The following NOL10 variants were observed in gnomAD, a reference collection of about 807,000 sequenced individuals.
The protein encoded by NOL10 is nucleolar protein 10.
Under a neutral mutation model 103.5 loss-of-function variants are expected in NOL10, and 58 were observed. The observed-to-expected ratio is 0.56, with a 90% CI of 0.45 to 0.70. NOL10 has a LOEUF of 0.70. NOL10 is among the 30% of genes least tolerant of loss of function. The pLI is 0.00. For missense variants in NOL10, 763 were observed against 807.3 expected, an observed-to-expected ratio of 0.95 and a Z score of 0.67; for synonymous variants, 287 against 282.5, an observed-to-expected ratio of 1.02 and a Z score of -0.16.
In NOL10 at chr2:10,589,037, A is replaced by G. The variant is rs768721204; in HGVS notation, c.1844+6T>C. 3 of 1,613,482 alleles carry G rather than the reference A, an allele frequency of 1.9e-6. No individual in the cohort carries two copies. Among genetic ancestry groups the G allele is most frequent in the African/African-American group, 1.3e-5 (1 of 74,998 alleles). On this transcript the variant is annotated splice_donor_region_variant and intron_variant, in intron 19 of 20. Transcript: ENST00000381685. ...GTCAACTGTGCGCTCAGGCAGTGCTACTCACTTCATCAGTTTCTGCTTTGT... is the reference window on the plus strand; with the variant it reads ...GTCAACTGTGCGCTCAGGCAGTGCTGCTCACTTCATCAGTTTCTGCTTTGT...
At chr2:10,673,614 G>T in intron 4 of NOL10, 57 bp from the exon 5 acceptor site, 1 of 1,156,550 alleles carries the variant, frequency 8.6e-7, no homozygotes, top group Non-Finnish European at 1.3e-6. Context: ...TAGTAACAAC[G>T]CAAACCTGAT....
chr2:10,587,690 A>C (rs1165399779), intron 19 of NOL10, among the ~76,000 whole-genome samples: 1 of 152,068 alleles, frequency 6.6e-6, no homozygotes. Context: ...TCAGAACCAG[A>C]ATTTTGAGGT....
chr2:10,684,669 G>A (rs1315424500), intron 1 of NOL10, 57 bp from the exon 2 acceptor site: 2 of 1,385,656 alleles, frequency 1.4e-6, no homozygotes, highest in African/African-American at 1.4e-5. Context: ...TTGTTTTTCG[G>A]CTTGCAAAAT....
chr2:10,650,622 G>A (rs1332654475), intron 12 of NOL10, among the ~76,000 whole-genome samples: 3 of 152,078 alleles, frequency 2.0e-5, no homozygotes, highest in Non-Finnish European at 2.9e-5. Flanking sequence ...GAGCCGGCGT[G>A]ATGGTGCGTA....
intron 3 of NOL10, among the ~76,000 whole-genome samples, chr2:10,676,939 CT>C (rs35181197): frequency 0.29 from 41,337 of 144,386 alleles, 5,835 homozygotes; most frequent in South Asian, 0.48. Context: ...AGGCCGGCCT[CT>C]TTTTTTTTTT....
chr2:10,586,365 T>C (rs1675022598), intron 19 of NOL10, among the ~76,000 whole-genome samples: 1 of 152,086 alleles, frequency 6.6e-6, no homozygotes, highest in East Asian at 1.9e-4. Context: ...AGCAGATGAA[T>C]TGTATGTTAC....
chr2:10,667,860 C>A (rs1420535679), intron 7 of NOL10, among the ~76,000 whole-genome samples: 1 of 151,784 alleles, frequency 6.6e-6, no homozygotes, highest in Non-Finnish European at 1.5e-5. Flanking sequence ...GCATTTCTAC[C>A]CAATGTGAAA....
intron 19 of NOL10, among the ~76,000 whole-genome samples, 174 bp downstream of exon 19, chr2:10,588,869 G>A (rs1453054142): frequency 2.0e-5 from 3 of 152,166 alleles, no homozygotes; most frequent in African/African-American, 7.2e-5. Flanking sequence ...CCTCCTGGGT[G>A]CTTCCCTCAC....
chr2:10,625,812 T>C (rs544916885), intron 13 of NOL10, among the ~76,000 whole-genome samples: 2 of 152,254 alleles, frequency 1.3e-5, no homozygotes, highest in South Asian at 4.2e-4. Flanking sequence ...TCTACTTTTA[T>C]GTCTATTTGA....
At position 10,578,034 on chromosome 2, in the gene NOL10, T is replaced by C. The variant is rs139579430; in HGVS notation, c.1845-296A>G. Among the ~76,000 whole-genome samples the C allele has an allele frequency of 5.1e-3, 770 of 152,316 alleles. 8 individuals are homozygous for C. The highest frequency in any genetic ancestry group is 0.018 in the African/African-American group (736 of 41,578). On this transcript the variant is annotated intron_variant, in intron 19 of 20. Coordinates refer to ENST00000381685, the MANE Select transcript of NOL10 (RefSeq NM_024894.4). ...ACTTTTCTTACTAAAATCAATCATA[T>C]TTCTGAAGACCAAATGCAAAGAGCA...
intron 2 of NOL10, among the ~76,000 whole-genome samples, 171 bp downstream of exon 2, chr2:10,684,396 C>T (rs543336795): frequency 6.6e-6 from 1 of 151,936 alleles, no homozygotes; most frequent in South Asian, 2.1e-4. Flanking sequence ...GTCTGGGCAA[C>T]ACAGTGAGAC....
rs17364547 is a variant in NOL10, at chr2:10,682,326, T to C, written c.113-257A>G. ...AGAATAAAAAAAGTAGCATCATTAA[T>C]TGAAAAAAAATTTTCCACAACAGTG... On this transcript the variant is annotated intron_variant, in intron 2 of 20. Coordinates refer to ENST00000381685, the MANE Select transcript of NOL10 (RefSeq NM_024894.4). 0.23 allele frequency among the ~76,000 whole-genome samples: 34,330 copies of C among 151,936 alleles called. 4,151 individuals are homozygous for C. Among genetic ancestry groups the C allele is most frequent in the South Asian group, 0.47 (2,254 of 4,806 alleles).
At position 10,572,236 on chromosome 2, in the gene NOL10, A is replaced by G. The variant is rs765391374; in HGVS notation, c.1948-46T>C. The G allele has an allele frequency of 9.3e-6, 15 of 1,605,200 alleles. No individual in the cohort carries two copies. In the East Asian group the frequency reaches 1.3e-4, roughly 14 times the overall value. The stretch of plus-strand genomic sequence containing the variant: ...AGTAGAGGGAAAGAGAGAAAATTCT[A>G]TACCTCTTTTCTGGTAACCGTCAGG... On this transcript the variant is annotated intron_variant, in intron 20 of 20. Coordinates refer to ENST00000381685, the MANE Select transcript of NOL10 (RefSeq NM_024894.4).
At chr2:10,685,209 G>C (rs1429373263) in intron 1 of NOL10, among the ~76,000 whole-genome samples, 1 of 152,166 alleles carries the variant, frequency 6.6e-6, no homozygotes, top group Non-Finnish European at 1.5e-5. Context: ...AATAAAACCA[G>C]ATAAATAACT....
At chr2:10,688,716 T>C (rs950186556) in intron 1 of NOL10, among the ~76,000 whole-genome samples, 3 of 152,244 alleles carry the variant, frequency 2.0e-5, no homozygotes, top group African/African-American at 7.2e-5. Context: ...GGGAACCTTA[T>C]CTGAAATGTC....
At chr2:10,612,163 G>C (rs114617292) in intron 13 of NOL10, among the ~76,000 whole-genome samples, 5,332 of 152,028 alleles carry the variant, frequency 0.035, 184 homozygotes, top group African/African-American at 0.086. Flanking sequence ...TACTCTTAGG[G>C]AGCTGAAAGA....
rs62128621 is a variant in NOL10 at position 10,570,852 on chromosome 2, A to C, written c.*1219T>G. ...ACTTAAGAAACAGGAAAAAAAAAAA[A>C]CCTGTAATTAAACTTGTGCCAAGAT... On this transcript the variant is annotated 3_prime_UTR_variant, in exon 21 of 21. Transcript: ENST00000381685. 8.6e-5 allele frequency: 13 copies of C among 150,874 alleles called. No individual in the cohort carries two copies. The East Asian group carries it at 9.8e-4, about 11-fold the overall frequency. 9.3% of individuals were successfully genotyped at this position (150,874 alleles called of 1,614,324 possible).
chr2:10,668,940 A>G (rs1351475647), intron 6 of NOL10, among the ~76,000 whole-genome samples: 1 of 152,196 alleles, frequency 6.6e-6, no homozygotes, highest in Non-Finnish European at 1.5e-5. Flanking sequence ...ATATGAAGTC[A>G]TTACGTAGAA....
intron 12 of NOL10, among the ~76,000 whole-genome samples, chr2:10,645,709 T>A (rs189070027): frequency 6.2e-4 from 94 of 152,042 alleles, no homozygotes; most frequent in African/African-American, 2.2e-3. Flanking sequence ...TTTTTGTATT[T>A]TTAGTGGAGG....
Sources: allele counts gnomAD v4.1 joint callset (sites outside exome capture counted in the v4.1 genomes callset), GRCh38; gene constraint gnomAD v4.1.1; transcripts MANE v1.5; gene names NCBI Gene and HGNC (gene_info 2026-07-23, HGNC 2026-07-21).